TENM2: variants seen among roughly 807,000 people sequenced by gnomAD.
TENM2 encodes the protein teneurin-2.
TENM2 carries 52 observed loss-of-function variants against 245.2 expected under a neutral mutation model. The observed-to-expected ratio is 0.21, with a 90% confidence interval of 0.17 to 0.27. The LOEUF (loss-of-function observed/expected upper bound fraction) is 0.27. TENM2 is among the 10% of genes least tolerant of loss of function. The pLI is 1.00. For missense variants in TENM2, 3,046 were observed against 3,666.8 expected (o/e 0.83, Z 4.37); for synonymous variants, 1,363 against 1,438.9 (o/e 0.95, Z 1.19).
chr5:167,551,771 G>T lies in TENM2; in HGVS notation c.502+176298G>T, dbSNP rs1214472014. ...TTACTCCATTGTGTGCCTTTGAGGG[G>T]CACAGTGTTCATATGTTAATTCATT... is the stretch of plus-strand genomic sequence containing the variant. On this transcript the variant is annotated intron_variant, in intron 2 of 28. Transcript: ENST00000518659. Among the ~76,000 whole-genome samples, 31 of 152,274 alleles carry T rather than the reference G, an allele frequency of 2.0e-4. No homozygotes were observed. In the East Asian group the frequency reaches 6.0e-3, roughly 29 times the overall value.
chr5:167,914,697 C>T (rs900444115), intron 3 of TENM2, among the ~76,000 whole-genome samples: 1 of 152,104 alleles, frequency 6.6e-6, no homozygotes, highest in African/African-American at 2.4e-5. Context: ...GTCAGCAGGG[C>T]CATGCTCCCT....
intron 12 of TENM2, among the ~76,000 whole-genome samples, chr5:168,155,688 T>C (rs1034101126): frequency 6.6e-6 from 1 of 152,126 alleles, no homozygotes; most frequent in African/African-American, 2.4e-5. Flanking sequence ...TTTTTTTCCC[T>C]GATCTCAGAG....
chr5:167,986,853 C>G (rs925435758), intron 4 of TENM2, among the ~76,000 whole-genome samples: 2 of 152,214 alleles, frequency 1.3e-5, no homozygotes, highest in African/African-American at 4.8e-5. Context: ...CCCCTAAGCC[C>G]TCTTGGTCCT....
At chr5:167,510,947 AAAT>A (rs1450594431) in intron 2 of TENM2, among the ~76,000 whole-genome samples, 24 of 123,228 alleles carry the variant, frequency 1.9e-4, no homozygotes, top group Middle Eastern at 4.2e-3. Flanking sequence ...AATAAAAAAA[AAAT>A]AAAAGAAAGA....
At chr5:167,642,334 A>G (rs1779667133) in intron 2 of TENM2, among the ~76,000 whole-genome samples, 1 of 152,168 alleles carries the variant, frequency 6.6e-6, no homozygotes, top group Non-Finnish European at 1.5e-5. Context: ...GAAGAGAGAC[A>G]TGATCTCAAC....
intron 2 of TENM2, among the ~76,000 whole-genome samples, chr5:167,729,904 A>C (rs2150552242): frequency 6.6e-6 from 1 of 152,308 alleles, no homozygotes; most frequent in South Asian, 2.1e-4. Context: ...GAGACATCTA[A>C]TTACTTTCTC....
At chr5:167,870,551 A>G (rs1042972484) in intron 2 of TENM2, among the ~76,000 whole-genome samples, 1 of 129,732 alleles carries the variant, frequency 7.7e-6, no homozygotes, top group Admixed American at 7.5e-5. Flanking sequence ...AAGAATGTGT[A>G]TACATATATA....
At chr5:167,344,091 GA>G (rs1287107893) in intron 1 of TENM2, among the ~76,000 whole-genome samples, 1 of 150,406 alleles carries the variant, frequency 6.6e-6, no homozygotes, top group Non-Finnish European at 1.5e-5. Context: ...ATCCAGATTA[GA>G]AGTTTAACTG....
intron 7 of TENM2, 135 bp downstream of exon 9, chr5:168,062,400 T>C: frequency 1.3e-6 from 1 of 743,652 alleles, no homozygotes; most frequent in Non-Finnish European, 2.1e-6. Flanking sequence ...GGCGAGAATT[T>C]GGAGAAATAA....
At chr5:167,753,012 G>A (rs945020436) in intron 2 of TENM2, among the ~76,000 whole-genome samples, 7 of 152,152 alleles carry the variant, frequency 4.6e-5, no homozygotes, top group East Asian at 1.9e-4. Flanking sequence ...CTATTTGAAC[G>A]AGAATTTTGA....
intron 2 of TENM2, among the ~76,000 whole-genome samples, chr5:167,424,400 G>C (rs1219471316): frequency 6.6e-6 from 1 of 152,004 alleles, no homozygotes; most frequent in African/African-American, 2.4e-5. Flanking sequence ...CAGAAATCAT[G>C]TCATTCAATG....
At chr5:167,370,080 C>A (rs1233543606) in intron 1 of TENM2, among the ~76,000 whole-genome samples, 1 of 152,122 alleles carries the variant, frequency 6.6e-6, no homozygotes, top group African/African-American at 2.4e-5. Context: ...CGGTGGCTCA[C>A]GCCTGTAATC....
intron 3 of TENM2, among the ~76,000 whole-genome samples, chr5:167,892,892 T>C (rs968045329): frequency 1.3e-5 from 2 of 152,182 alleles, no homozygotes; most frequent in African/African-American, 4.8e-5. Flanking sequence ...CATTGCACAA[T>C]GAGAAGTGGA....
chr5:167,437,564 G>A (rs985430412), intron 2 of TENM2, among the ~76,000 whole-genome samples: 4 of 152,094 alleles, frequency 2.6e-5, no homozygotes. Flanking sequence ...GGAATGTGAG[G>A]ACATGAAATT....
At chr5:167,155,465 G>A in the TENM2 span, among the ~76,000 whole-genome samples, 1 of 152,222 alleles carries the variant, frequency 6.6e-6, no homozygotes, top group Non-Finnish European at 1.5e-5. Flanking sequence ...GGAGGTCACA[G>A]TTTTTAAACT....
chr5:167,684,129 GAA>G (rs1447934097), intron 2 of TENM2, among the ~76,000 whole-genome samples: 1 of 152,202 alleles, frequency 6.6e-6, no homozygotes, highest in African/African-American at 2.4e-5. Context: ...TTTTGACGAG[GAA>G]AAACAGGAAG....
At chr5:167,383,728 T>TAAAA (rs10549785) in intron 2 of TENM2, among the ~76,000 whole-genome samples, 2 of 110,386 alleles carry the variant, frequency 1.8e-5, no homozygotes, top group African/African-American at 3.1e-5. Context: ...TGGTGCAGGA[T>TAAAA]AAAAAAAAAA....
At chr5:167,003,642 C>A in the TENM2 span, among the ~76,000 whole-genome samples, 2 of 152,148 alleles carry the variant, frequency 1.3e-5, no homozygotes, top group East Asian at 3.9e-4. Flanking sequence ...TAAAGTCGAA[C>A]TTTTTTTCTT....
chr5:168,084,482 T>G lies in TENM2; in HGVS notation c.1516-6092T>G, dbSNP rs188974121. Among the ~76,000 whole-genome samples the G allele has an allele frequency of 4.8e-3, 730 of 152,364 alleles. 2 individuals are homozygous for G. Among genetic ancestry groups the G allele is most frequent in the Middle Eastern group, 0.017 (5 of 294 alleles). Reference sequence around the variant, plus strand: ...GTGAGATAGTATCTCATTGTGGTTTTGATTTACATTTTGATAGAGGTATTT... The same window carrying G: ...GTGAGATAGTATCTCATTGTGGTTTGGATTTACATTTTGATAGAGGTATTT... On this transcript the variant is annotated intron_variant, in intron 7 of 28. Coordinates refer to ENST00000518659, the Ensembl canonical transcript of TENM2.
Sources: gnomAD v4.1 joint callset for allele counts (sites outside exome capture counted in the v4.1 genomes callset) on GRCh38, gnomAD v4.1.1 for gene constraint, MANE v1.5 for transcripts, NCBI Gene and HGNC (gene_info 2026-07-23, HGNC 2026-07-21) for gene names.